PSTPIP2: variants seen among roughly 807,000 people sequenced by gnomAD.
PSTPIP2 encodes proline-serine-threonine phosphatase interacting protein 2.
Under a neutral mutation model 63.3 loss-of-function variants are expected in PSTPIP2, and 33 were observed. The observed-to-expected ratio is 0.52, with a 90% confidence interval of 0.40 to 0.70. The LOEUF is 0.70. PSTPIP2 is among the 30% of genes least tolerant of loss of function. PSTPIP2 has a pLI of 0.00. For missense variants in PSTPIP2, 312 were observed against 400.7 expected (o/e 0.78, Z 1.89); for synonymous variants, 125 against 132.7 (o/e 0.94, Z 0.40).
At chr18:46,010,048 T>C (rs1010444270) in intron 5 of PSTPIP2, among the ~76,000 whole-genome samples, 2 of 152,176 alleles carry the variant, frequency 1.3e-5, no homozygotes, top group Non-Finnish European at 2.9e-5. Context: ...AGGTGTAAGA[T>C]GGAAGAGGCA....
In PSTPIP2 at chr18:46,024,597, C is replaced by T. The variant is rs1183472261; in HGVS notation, c.212+12G>A. 5 of 1,611,054 alleles carry T rather than the reference C, an allele frequency of 3.1e-6. No individual in the cohort carries two copies. In the South Asian group the frequency reaches 5.5e-5, roughly 18 times the overall value. On this transcript the variant is annotated intron_variant, in intron 3 of 14. Transcript: ENST00000409746. Reference sequence around the variant, plus strand: ...AACCAACCTGGAAACCAGAAAAAAACTTGATACATACTTGATTTCAGACTG... The same window carrying T: ...AACCAACCTGGAAACCAGAAAAAAATTTGATACATACTTGATTTCAGACTG...
intron 3 of PSTPIP2, among the ~76,000 whole-genome samples, chr18:46,016,716 G>A (rs1392658845): frequency 6.6e-6 from 1 of 152,214 alleles, no homozygotes; most frequent in Admixed American, 6.5e-5. Flanking sequence ...GCTGGATCCT[G>A]TGCTTGGAGC....
At chr18:45,994,250 A>T (rs1166020934) in intron 9 of PSTPIP2, among the ~76,000 whole-genome samples, 1 of 152,260 alleles carries the variant, frequency 6.6e-6, no homozygotes, top group East Asian at 1.9e-4. Context: ...CACCTTTAAA[A>T]AAATCAAGCT....
At chr18:46,044,128 GCAAGT>G (rs1378524137) in intron 1 of PSTPIP2, among the ~76,000 whole-genome samples, 3 of 152,088 alleles carry the variant, frequency 2.0e-5, no homozygotes, top group Non-Finnish European at 4.4e-5. Flanking sequence ...GTAGAAATTT[GCAAGT>G]CAGACCTAAA....
intron 1 of PSTPIP2, 140 bp from the exon 2 acceptor site, chr18:46,040,187 G>A: frequency 1.8e-6 from 1 of 568,714 alleles, no homozygotes; most frequent in Non-Finnish European, 3.0e-6. Flanking sequence ...ACCCACTTAG[G>A]AGCCTGTCAG....
At chr18:46,008,350 A>T (rs1170390765) in intron 5 of PSTPIP2, among the ~76,000 whole-genome samples, 1 of 151,304 alleles carries the variant, frequency 6.6e-6, no homozygotes, top group African/African-American at 2.4e-5. Flanking sequence ...ACAGAGTCTC[A>T]CTCTGTTGCC....
At chr18:46,011,043 T>G in intron 5 of PSTPIP2, 138 bp downstream of exon 5, 2 of 704,824 alleles carry the variant, frequency 2.8e-6, no homozygotes, top group Non-Finnish European at 5.0e-6. Context: ...TGAGTCCCCA[T>G]GTGGGGACTC....
At chr18:46,035,366 G>A (rs1332756040) in intron 2 of PSTPIP2, among the ~76,000 whole-genome samples, 2 of 150,766 alleles carry the variant, frequency 1.3e-5, no homozygotes, top group Non-Finnish European at 2.9e-5. Context: ...GTTGAAGTGA[G>A]CTGAGATCGC....
At chr18:45,999,959 T>G (rs2051645370) in intron 6 of PSTPIP2, among the ~76,000 whole-genome samples, 2 of 152,070 alleles carry the variant, frequency 1.3e-5, no homozygotes. Context: ...GCAAAATGAA[T>G]GAAACCCCAT....
At chr18:46,052,046 GT>G (rs1908600508) in intron 1 of PSTPIP2, among the ~76,000 whole-genome samples, 4 of 152,230 alleles carry the variant, frequency 2.6e-5, no homozygotes, top group African/African-American at 9.6e-5. Context: ...CTGCCAGGAA[GT>G]GGCTATACCC....
intron 9 of PSTPIP2, among the ~76,000 whole-genome samples, chr18:45,996,117 C>T (rs1359376558): frequency 1.4e-4 from 22 of 152,136 alleles, no homozygotes; most frequent in Admixed American, 1.4e-3. Context: ...CCATGCCTGG[C>T]TGAACTGGTG....
At chr18:46,068,979 C>T (rs1909295382) in intron 1 of PSTPIP2, among the ~76,000 whole-genome samples, 1 of 151,930 alleles carries the variant, frequency 6.6e-6, no homozygotes, top group Non-Finnish European at 1.5e-5. Flanking sequence ...CCTAGTCAAT[C>T]CCAGGCAGAG....
At chr18:46,038,252 C>T (rs1289473791) in intron 2 of PSTPIP2, among the ~76,000 whole-genome samples, 1 of 152,130 alleles carries the variant, frequency 6.6e-6, no homozygotes, top group Non-Finnish European at 1.5e-5. Context: ...AGTCCTGTTT[C>T]ATTGTTTTAT....
Position 46,057,484 on chromosome 18 carries a change from C to T in PSTPIP2, c.33+14672G>A, listed in dbSNP as rs180751187. Among the ~76,000 whole-genome samples the T allele has an allele frequency of 2.4e-3, 361 of 151,738 alleles. 1 individual carries two copies. The highest frequency in any genetic ancestry group is 8.4e-3 in the African/African-American group (346 of 41,402). ...CTAGGATTACAGGCGAGCGCCACCA[C>T]GCCTGTCTAATTGTTTTGTATTTTT... On this transcript the variant is annotated intron_variant, in intron 1 of 14. Coordinates refer to ENST00000409746, the MANE Select transcript of PSTPIP2 (RefSeq NM_024430.4).
rs529872999 is a variant in PSTPIP2, at chr18:46,050,516, G to A, written c.34-10469C>T. Among the ~76,000 whole-genome samples the A allele has an allele frequency of 5.9e-5, 9 of 152,104 alleles. No homozygotes were observed. The South Asian group carries it at 8.3e-4, about 14-fold the overall frequency. ...TGAGGTGAGCTGTGATTGCACAACCGCACTCCAGCCTAGGCAGTGGAATGA... is the reference window on the plus strand; with the variant it reads ...TGAGGTGAGCTGTGATTGCACAACCACACTCCAGCCTAGGCAGTGGAATGA... On this transcript the variant is annotated intron_variant, in intron 1 of 14. Coordinates refer to ENST00000409746, the MANE Select transcript of PSTPIP2 (RefSeq NM_024430.4).
intron 5 of PSTPIP2, among the ~76,000 whole-genome samples, chr18:46,009,361 G>GT (rs1344729169): frequency 3.4e-5 from 2 of 59,670 alleles, no homozygotes; most frequent in South Asian, 6.9e-4. Flanking sequence ...GTTTTATGGT[G>GT]TAAAAAAAAA....
In PSTPIP2 at chr18:46,003,016, T is replaced by A. The variant is rs528050380; in HGVS notation, c.417+2453A>T. On this transcript the variant is annotated intron_variant, in intron 6 of 14. Coordinates refer to ENST00000409746, the MANE Select transcript of PSTPIP2 (RefSeq NM_024430.4). ...GACTCTGGATTTTATTTAAGGCTTC[T>A]GTTTTAGCTAGCTTCCTCAGGACAC... Among the ~76,000 whole-genome samples the A allele has an allele frequency of 2.0e-5, 3 of 152,324 alleles. No homozygotes were observed. The East Asian group carries it at 5.8e-4, about 29-fold the overall frequency.
In PSTPIP2 at chr18:46,012,287, A is replaced by C. The variant is rs960538815; in HGVS notation, c.248-1000T>G. Among the ~76,000 whole-genome samples the C allele has an allele frequency of 3.9e-5, 6 of 152,282 alleles. No individual in the cohort carries two copies. In the East Asian group the frequency reaches 1.2e-3, roughly 29 times the overall value. Reference sequence around the variant, plus strand: ...CTGTTGGGGAAAAAAAAAACAGCACAACCTTTCTGGAGGAAATTTGGCATT... The same window carrying C: ...CTGTTGGGGAAAAAAAAAACAGCACCACCTTTCTGGAGGAAATTTGGCATT... On this transcript the variant is annotated intron_variant, in intron 4 of 14. Coordinates refer to ENST00000409746, the MANE Select transcript of PSTPIP2 (RefSeq NM_024430.4).
intron 1 of PSTPIP2, chr18:46,040,257 C>G (rs766558173): frequency 2.5e-5 from 11 of 442,748 alleles, no homozygotes; most frequent in Non-Finnish European, 3.6e-5. Context: ...AAGGAAAATT[C>G]CAGGTATCTA....
Sources: gnomAD v4.1 joint callset for allele counts (sites outside exome capture counted in the v4.1 genomes callset) on GRCh38, gnomAD v4.1.1 for gene constraint, MANE v1.5 for transcripts, NCBI Gene and HGNC (gene_info 2026-07-23, HGNC 2026-07-21) for gene names.